POLN: variants seen among roughly 807,000 people sequenced by gnomAD.
POLN encodes the protein DNA polymerase N.
POLN carries 108 observed loss-of-function variants against 113.5 expected under a neutral mutation model. The observed-to-expected ratio is 0.95, with a 90% confidence interval of 0.81 to 1.12. The LOEUF is 1.12. POLN is among the 50% of genes most tolerant of loss of function. POLN has a pLI of 0.00. For missense variants in POLN, 1,097 were observed against 1,077.1 expected, an observed-to-expected ratio of 1.02 and a Z score of -0.26; for synonymous variants, 386 against 391.5, an observed-to-expected ratio of 0.99 and a Z score of 0.17.
Position 2,081,721 on chromosome 4 carries a change from G to T in POLN, c.2220C>A (p.Gly740=). ...GAATCCTTGGCAGGGGTCTCCTTCT[G>T]CCCATGATGGACACCACACAGCCTG... is the stretch of plus-strand genomic sequence containing the variant. ...HQTGCVVSIM[G]RRRPLPRIHA... The change falls in exon 22 of 26, where the codon GGC becomes GGA. Residue 740 remains glycine, a synonymous_variant. Coordinates refer to ENST00000511885, the MANE Select transcript of POLN (RefSeq NM_181808.4). 1 of 1,614,054 alleles carries T rather than the reference G, an allele frequency of 6.2e-7. No individual in the cohort carries two copies. The highest frequency in any genetic ancestry group is 8.5e-7 in the Non-Finnish European group (1 of 1,179,974).
rs1351429764 is a variant in POLN at position 2,213,148 on chromosome 4, A to G, written c.134-22T>C. On this transcript the variant is annotated intron_variant, in intron 3 of 25. Coordinates refer to ENST00000511885, the MANE Select transcript of POLN (RefSeq NM_181808.4). ...ATAGCTTTTAAAAACAACAAAAAAG[A>G]AACATGGGGCATTAAAGAAACATTG... The G allele has an allele frequency of 2.0e-6, 3 of 1,507,618 alleles. No homozygotes were observed. The African/African-American group carries it at 4.2e-5, about 21-fold the overall frequency. 93.4% of individuals were successfully genotyped at this position (1,507,618 alleles called of 1,614,324 possible). A position where few individuals can be genotyped will look rare whatever the true frequency, so the allele number is the denominator to read the frequency against.
chr4:2,150,149 T>TAC (rs1553898154), intron 16 of POLN, among the ~76,000 whole-genome samples: 25 of 151,642 alleles, frequency 1.6e-4, no homozygotes, highest in East Asian at 7.7e-4. Context: ...GAGAGACACA[T>TAC]ACACACACAC....
chr4:2,147,638 C>T (rs13124492), intron 16 of POLN, among the ~76,000 whole-genome samples: 828 of 20,696 alleles, frequency 0.04, 66 homozygotes, highest in Non-Finnish European at 0.13. Flanking sequence ...TCCAGTTTTT[C>T]TTTTCTTTTT....
intron 6 of POLN, among the ~76,000 whole-genome samples, chr4:2,193,722 G>A (rs926369566): frequency 2.0e-5 from 3 of 152,098 alleles, no homozygotes; most frequent in African/African-American, 7.2e-5. Context: ...TCCACCACAG[G>A]CTGTGCCACG....
intron 19 of POLN, among the ~76,000 whole-genome samples, chr4:2,098,016 T>A (rs1054229269): frequency 1.3e-5 from 2 of 152,370 alleles, no homozygotes; most frequent in African/African-American, 4.8e-5. Flanking sequence ...TACCAATGCA[T>A]TTCCAGTTTT....
chr4:2,164,117 C>T (rs1220128419), intron 13 of POLN, among the ~76,000 whole-genome samples: 5 of 152,290 alleles, frequency 3.3e-5, no homozygotes, highest in African/African-American at 1.2e-4. Flanking sequence ...AATCCATCTG[C>T]TTTCCATCTG....
intron 6 of POLN, among the ~76,000 whole-genome samples, chr4:2,197,324 A>T (rs1577762770): frequency 6.6e-6 from 1 of 152,338 alleles, no homozygotes; most frequent in Non-Finnish European, 1.5e-5. Context: ...AACGCAGTGG[A>T]TAAGCAGAGG....
At chr4:2,241,188 G>A in intron 2 of POLN, 1 of 403,838 alleles carries the variant, frequency 2.5e-6, no homozygotes, top group Non-Finnish European at 4.4e-6. Context: ...TCCGAGAGCG[G>A]GATAAATGAC....
chr4:2,184,247 C>CT (rs1733218025), intron 7 of POLN, among the ~76,000 whole-genome samples: 1 of 130,330 alleles, frequency 7.7e-6, no homozygotes, highest in African/African-American at 3.6e-5. Flanking sequence ...AAACACTAGA[C>CT]TTTAAAAAAA....
rs1046013449 is a variant in POLN, at chr4:2,093,271, C to A, written c.2065+2580G>T. 1.3e-5 allele frequency among the ~76,000 whole-genome samples: 2 copies of A among 152,202 alleles called. No homozygotes were observed. Among genetic ancestry groups the A allele is most frequent in the Non-Finnish European group, 2.9e-5 (2 of 68,040 alleles). On this transcript the variant is annotated intron_variant, in intron 20 of 25. Coordinates refer to ENST00000511885, the MANE Select transcript of POLN (RefSeq NM_181808.4). The surrounding 1 kb of genome is among the most constrained non-coding windows in gnomAD (Gnocchi z 4.1). ...TAGCTGGATTTGGGGTGGCTGCCCCCACTGGGGACAAGGCCGGGGCTGCCA... is the reference window on the plus strand; with the variant it reads ...TAGCTGGATTTGGGGTGGCTGCCCCAACTGGGGACAAGGCCGGGGCTGCCA...
chr4:2,216,880 G>A (rs1001302709), intron 3 of POLN, among the ~76,000 whole-genome samples: 1 of 152,182 alleles, frequency 6.6e-6, no homozygotes, highest in Non-Finnish European at 1.5e-5. Context: ...CTCTGGTGAG[G>A]GGGAGCCCCA....
At chr4:2,179,222 C>G (rs1321772370) in intron 8 of POLN, 86 bp downstream of exon 8, 17 of 1,252,714 alleles carry the variant, frequency 1.4e-5, no homozygotes, top group Non-Finnish European at 1.8e-5. Flanking sequence ...GTTCTTTTTA[C>G]TATTAGGCTA....
chr4:2,128,137 ACAT>A lies in POLN; in HGVS notation c.1955_1957del (p.Asp652del), dbSNP rs1731629664. 1 of 1,605,336 alleles carries A rather than the reference ACAT, an allele frequency of 6.2e-7. No homozygotes were observed. Among genetic ancestry groups the A allele is most frequent in the Admixed American group, 1.7e-5 (1 of 59,994 alleles). The stretch of plus-strand genomic sequence containing the variant: ...CCACTGTGAAGTCAGAGTAGAAAAT[ACAT>A]CATCTCTTTCAGATTCCTGGAATAA... On this transcript the variant is annotated inframe_deletion, in exon 19 of 26. Coordinates refer to ENST00000511885, the MANE Select transcript of POLN (RefSeq NM_181808.4).
intron 7 of POLN, among the ~76,000 whole-genome samples, chr4:2,180,245 A>T (rs1182512567): frequency 6.6e-6 from 1 of 152,240 alleles, no homozygotes; most frequent in Non-Finnish European, 1.5e-5. Flanking sequence ...AATATTTGCT[A>T]AACAAACAAG....
chr4:2,222,711 TTA>T (rs1404554508), intron 3 of POLN, among the ~76,000 whole-genome samples: 4 of 147,778 alleles, frequency 2.7e-5, no homozygotes, highest in African/African-American at 7.7e-5. Context: ...TTTTTTTTTT[TTA>T]TTTTTCCACA....
At chr4:2,178,268 C>T (rs992547103) in intron 8 of POLN, among the ~76,000 whole-genome samples, 6 of 152,218 alleles carry the variant, frequency 3.9e-5, no homozygotes, top group Non-Finnish European at 8.8e-5. Context: ...GGGCTCACAT[C>T]ACCTCTTACC....
rs1733907850 is a variant in POLN at position 2,208,315 on chromosome 4, A to T, written c.386T>A (p.Leu129Gln). 2 of 1,607,228 alleles carry T rather than the reference A, an allele frequency of 1.2e-6. No homozygotes were observed. The change falls in exon 5 of 26, where the codon CTA (leucine) becomes CAA (glutamine). Residue 129 changes from leucine (L) to glutamine (Q), a missense_variant. Leu to Gln is a moderately radical substitution (Grantham distance 113). Transcript: ENST00000511885. ...CTTTCTTTTATGCCCCTTTTTCTGT[A>T]GAACTGAAGCCTCTTGATTATACTG... is the stretch of plus-strand genomic sequence containing the variant. ...IPQYNQEASV[L>Q]QKKGHKRKHF...
intron 25 of POLN, among the ~76,000 whole-genome samples, chr4:2,072,673 A>G (rs1730177571): frequency 6.6e-6 from 1 of 152,080 alleles, no homozygotes; most frequent in African/African-American, 2.4e-5. Flanking sequence ...TGGCTCCTAG[A>G]GGCCAGGAGA....
intron 19 of POLN, among the ~76,000 whole-genome samples, chr4:2,124,468 G>A (rs1461518701): frequency 6.6e-6 from 1 of 151,996 alleles, no homozygotes; most frequent in African/African-American, 2.4e-5. Context: ...TGTAGAGATG[G>A]GAGTCTTGCC....
Sources: gnomAD v4.1 joint callset for allele counts (sites outside exome capture counted in the v4.1 genomes callset) on GRCh38, gnomAD v4.1.1 for gene constraint, Gnocchi (gnomAD v3.1) non-coding constraint, MANE v1.5 for transcripts, NCBI Gene and HGNC (gene_info 2026-07-23, HGNC 2026-07-21) for gene names.